The following CALD1 variants were observed in gnomAD, a reference collection of about 807,000 sequenced individuals.
CALD1 encodes the protein caldesmon.
Under a neutral mutation model 99.9 loss-of-function variants are expected in CALD1, and 33 were observed. That is an observed-to-expected ratio of 0.33 (90% CI 0.25 to 0.44). CALD1 has a LOEUF of 0.44. Among genes scored for constraint, CALD1 ranks in the 20% least tolerant of loss-of-function variants. The pLI, the probability that CALD1 is intolerant of heterozygous loss-of-function variation, is 1.00. For synonymous variants in CALD1, 310 were observed against 325.0 expected (o/e 0.95, Z 0.50); for missense variants, 861 against 962.1 (o/e 0.89, Z 1.39).
chr7:134,966,018 T>C (rs1341772282), intron 14 of CALD1, among the ~76,000 whole-genome samples: 1 of 152,140 alleles, frequency 6.6e-6, no homozygotes, highest in Non-Finnish European at 1.5e-5. Context: ...GGACCCTTTG[T>C]GGTACAATGA....
At chr7:134,950,054 T>C (rs1242832874) in intron 8 of CALD1, among the ~76,000 whole-genome samples, 1 of 152,260 alleles carries the variant, frequency 6.6e-6, no homozygotes, top group Non-Finnish European at 1.5e-5. Flanking sequence ...TTACATGTGC[T>C]ATCTCACTGA....
intron 9 of CALD1, among the ~76,000 whole-genome samples, chr7:134,955,904 AGATG>A (rs1190377584): frequency 6.6e-6 from 1 of 152,124 alleles, no homozygotes; most frequent in Non-Finnish European, 1.5e-5. Flanking sequence ...ATGGATGGAT[AGATG>A]GATGGATGGA....
chr7:134,788,748 C>T (rs1797404704), intron 1 of CALD1, among the ~76,000 whole-genome samples: 2 of 152,268 alleles, frequency 1.3e-5, no homozygotes, highest in South Asian at 2.1e-4. Context: ...GTAGTGGTAG[C>T]TCGTGCCTGT....
intron 7 of CALD1, among the ~76,000 whole-genome samples, chr7:134,943,248 C>T (rs1806595268): frequency 7.2e-6 from 1 of 137,940 alleles, no homozygotes; most frequent in Non-Finnish European, 1.5e-5. Flanking sequence ...GGTCAAAGGC[C>T]TGATACTCAT....
chr7:134,875,769 T>C (rs1483256463), intron 3 of CALD1, among the ~76,000 whole-genome samples: 1 of 152,222 alleles, frequency 6.6e-6, no homozygotes, highest in Non-Finnish European at 1.5e-5. Flanking sequence ...AGTTGAACTA[T>C]TTTTTATGCT....
upstream of CALD1, among the ~76,000 whole-genome samples, chr7:134,775,048 T>C (rs1426022484): frequency 6.6e-6 from 1 of 152,142 alleles, no homozygotes; most frequent in Non-Finnish European, 1.5e-5. Flanking sequence ...TCACCTTCAA[T>C]TTTTTTCTAA....
At position 134,875,514 on chromosome 7, in the gene CALD1, G is replaced by A. The variant is rs139087383; in HGVS notation, c.71+7710G>A. On this transcript the variant is annotated intron_variant, in intron 3 of 14. Transcript: ENST00000361675. Reference sequence around the variant, plus strand: ...AAGCTGGGCGTGGCAGTGGGCGCCTGCAATCCCAGCTACTCAGGAAGCTGA... The same window carrying A: ...AAGCTGGGCGTGGCAGTGGGCGCCTACAATCCCAGCTACTCAGGAAGCTGA... 4.9e-4 allele frequency among the ~76,000 whole-genome samples: 74 copies of A among 152,296 alleles called. No individual in the cohort carries two copies. In the East Asian group the frequency reaches 0.013, roughly 26 times the overall value.
At chr7:134,756,840 T>C (rs2131582154) in intron 1 of CALD1, among the ~76,000 whole-genome samples, 1 of 152,330 alleles carries the variant, frequency 6.6e-6, no homozygotes, top group Non-Finnish European at 1.5e-5. Flanking sequence ...AGCTTTTCCA[T>C]GGGCCCGTAG....
At chr7:134,958,968 T>C (rs190134940) in intron 11 of CALD1, among the ~76,000 whole-genome samples, 143 of 149,052 alleles carry the variant, frequency 9.6e-4, no homozygotes, top group African/African-American at 3.3e-3. Context: ...TGGGTTTAAA[T>C]GTCACTTCCT....
At chr7:134,951,198 C>T (rs1470424058) in intron 9 of CALD1, among the ~76,000 whole-genome samples, 2 of 152,216 alleles carry the variant, frequency 1.3e-5, no homozygotes, top group Admixed American at 6.5e-5. Flanking sequence ...CCTCTTAATA[C>T]CAACACATCA....
the CALD1 span, among the ~76,000 whole-genome samples, chr7:134,723,244 G>A: frequency 6.6e-6 from 1 of 152,156 alleles, no homozygotes; most frequent in South Asian, 2.1e-4. Context: ...TATGTAAAGG[G>A]CATTTAGGGT....
At chr7:134,829,240 AAGAGC>A (rs1346703180) in intron 1 of CALD1, among the ~76,000 whole-genome samples, 1 of 152,238 alleles carries the variant, frequency 6.6e-6, no homozygotes, top group Non-Finnish European at 1.5e-5. Context: ...CATGAAGACA[AAGAGC>A]AGAGACTTAC....
At chr7:134,841,269 CT>C (rs1799636944) in intron 1 of CALD1, among the ~76,000 whole-genome samples, 2 of 152,232 alleles carry the variant, frequency 1.3e-5, no homozygotes, top group South Asian at 4.1e-4. Flanking sequence ...TCATATATTT[CT>C]TTTCTTCTAA....
At chr7:134,887,083 C>A (rs181869179) in intron 3 of CALD1, among the ~76,000 whole-genome samples, 1 of 152,094 alleles carries the variant, frequency 6.6e-6, no homozygotes, top group East Asian at 1.9e-4. Context: ...ACAGATGAGG[C>A]AAAGAATAAT....
intron 1 of CALD1, among the ~76,000 whole-genome samples, chr7:134,842,178 G>A (rs540483752): frequency 1.3e-5 from 2 of 152,344 alleles, no homozygotes; most frequent in South Asian, 4.1e-4. Flanking sequence ...CAGTGAACAA[G>A]CAAGTGGGCT....
At chr7:134,836,152 A>G (rs926329021) in intron 1 of CALD1, among the ~76,000 whole-genome samples, 1 of 151,340 alleles carries the variant, frequency 6.6e-6, no homozygotes, top group African/African-American at 2.4e-5. Flanking sequence ...TCAAAAAAAA[A>G]AAAAAAAAAA....
At position 134,801,720 on chromosome 7, in the gene CALD1, G is replaced by T. The variant is rs538512738; in HGVS notation, c.-130+21971G>T. ...CTGCAGCCTTGACCTCTGGGGTCAG[G>T]GGATTCTCCCACCTTAGCCTCCCGT... is the stretch of plus-strand genomic sequence containing the variant. On this transcript the variant is annotated intron_variant, in intron 1 of 14. Transcript: ENST00000361675. 2.6e-5 allele frequency among the ~76,000 whole-genome samples: 4 copies of T among 152,200 alleles called. No individual in the cohort carries two copies. In the East Asian group the frequency reaches 7.7e-4, roughly 29 times the overall value.
chr7:134,864,208 G>A (rs1800693424), intron 2 of CALD1, among the ~76,000 whole-genome samples: 1 of 152,052 alleles, frequency 6.6e-6, no homozygotes, highest in Non-Finnish European at 1.5e-5. Context: ...TTAGCCGGGT[G>A]TGGCGGTATA....
chr7:134,943,796 C>T (rs774247363), intron 7 of CALD1, among the ~76,000 whole-genome samples: 39 of 152,164 alleles, frequency 2.6e-4, no homozygotes, highest in African/African-American at 7.5e-4. Flanking sequence ...GTAGTATATA[C>T]GTGTGTGAGT....
Sources: gnomAD v4.1 joint callset for allele counts (sites outside exome capture counted in the v4.1 genomes callset) on GRCh38, gnomAD v4.1.1 for gene constraint, MANE v1.5 for transcripts, NCBI Gene and HGNC (gene_info 2026-07-23, HGNC 2026-07-21) for gene names.